Variants in CEP112 observed in about 807,000 individuals in gnomAD.
CEP112 encodes centrosomal protein of 112 kDa.
Under a neutral mutation model 153.0 loss-of-function variants are expected in CEP112, and 127 were observed. The observed-to-expected ratio is 0.83, with a 90% CI of 0.72 to 0.96. The LOEUF (loss-of-function observed/expected upper bound fraction) is 0.96, where lower values mean the gene tolerates loss of function less well. Ranked by LOEUF, CEP112 falls within the 40% of genes least tolerant of loss-of-function variation. The pLI is 0.00. For missense variants in CEP112, 1,089 were observed against 1,101.2 expected (o/e 0.99, Z 0.16); for synonymous variants, 358 against 374.4 (o/e 0.96, Z 0.51).
intron 8 of CEP112, among the ~76,000 whole-genome samples, chr17:66,082,056 T>G (rs894997630): frequency 6.6e-6 from 1 of 152,186 alleles, no homozygotes; most frequent in Non-Finnish European, 1.5e-5. Context: ...AGAGTAATTT[T>G]TTACTCCGGT....
chr17:65,882,700 C>G (rs1409331084), intron 20 of CEP112, among the ~76,000 whole-genome samples: 3 of 152,170 alleles, frequency 2.0e-5, no homozygotes, highest in Non-Finnish European at 4.4e-5. Flanking sequence ...AATGACATTA[C>G]AGTAAGTATA....
chr17:65,747,797 A>C (rs1226003368), intron 22 of CEP112, among the ~76,000 whole-genome samples: 4 of 152,176 alleles, frequency 2.6e-5, no homozygotes, highest in Non-Finnish European at 2.9e-5. Flanking sequence ...TTCAGTGTAC[A>C]CGGTCTATTA....
chr17:66,123,933 T>C (rs1040671282), intron 6 of CEP112, among the ~76,000 whole-genome samples: 1 of 152,212 alleles, frequency 6.6e-6, no homozygotes, highest in African/African-American at 2.4e-5. Context: ...TTCTGAAAAA[T>C]GGCGATGCTT....
intron 3 of CEP112, among the ~76,000 whole-genome samples, chr17:66,176,074 T>G (rs983113293): frequency 5.3e-5 from 8 of 152,200 alleles, no homozygotes; most frequent in African/African-American, 1.4e-4. Context: ...AAAACAGGAA[T>G]TATTCTCTAA....
chr17:66,107,835 C>A (rs1366411546), intron 6 of CEP112, among the ~76,000 whole-genome samples: 1 of 151,966 alleles, frequency 6.6e-6, no homozygotes, highest in Non-Finnish European at 1.5e-5. Flanking sequence ...CTGAGAATAG[C>A]CAAAGCTATC....
At chr17:66,125,462 A>T (rs229859) in intron 6 of CEP112, among the ~76,000 whole-genome samples, 64,369 of 152,012 alleles carry the variant, frequency 0.42, 14,699 homozygotes, top group Non-Finnish European at 0.5. Flanking sequence ...TGCAGTGAGC[A>T]CTATGATCAT....
chr17:65,672,573 A>G (rs1257949189), intron 24 of CEP112, among the ~76,000 whole-genome samples: 1 of 152,248 alleles, frequency 6.6e-6, no homozygotes. Context: ...AATCCTCACA[A>G]CAAATTCATA....
At chr17:65,658,405 G>A (rs2046170565) in intron 24 of CEP112, among the ~76,000 whole-genome samples, 1 of 152,174 alleles carries the variant, frequency 6.6e-6, no homozygotes, top group Non-Finnish European at 1.5e-5. Context: ...AATAGAAGCT[G>A]ATTAATTACC....
intron 25 of CEP112, among the ~76,000 whole-genome samples, chr17:65,640,154 A>ATATAT (rs1300751452): frequency 1.4e-4 from 11 of 78,336 alleles, no homozygotes; most frequent in East Asian, 1.1e-3. Flanking sequence ...ATATATATAT[A>ATATAT]TTTTTTTTTT....
At chr17:65,795,136 T>C (rs1476024801) in intron 21 of CEP112, among the ~76,000 whole-genome samples, 1 of 152,214 alleles carries the variant, frequency 6.6e-6, no homozygotes, top group African/African-American at 2.4e-5. Context: ...TGTCACTTGG[T>C]AAGCTGTCCT....
chr17:65,838,929 C>T (rs1356888141), intron 21 of CEP112, among the ~76,000 whole-genome samples: 1 of 152,100 alleles, frequency 6.6e-6, no homozygotes, highest in African/African-American at 2.4e-5. Context: ...CTTCTGGGCA[C>T]ATGCAACATA....
intron 2 of CEP112, among the ~76,000 whole-genome samples, chr17:66,179,591 G>A (rs546222286): frequency 6.6e-6 from 1 of 152,122 alleles, no homozygotes; most frequent in South Asian, 2.1e-4. Flanking sequence ...GTTTTTGGGG[G>A]AGTCTTTAGG....
intron 21 of CEP112, chr17:65,826,058 G>A: frequency 1.4e-6 from 2 of 1,393,944 alleles, no homozygotes; most frequent in Non-Finnish European, 1.0e-6. Context: ...AATTACCAAT[G>A]CCTAACTCAG....
chr17:65,860,679 T>G (rs905252158), intron 20 of CEP112, among the ~76,000 whole-genome samples: 1 of 152,166 alleles, frequency 6.6e-6, no homozygotes, highest in African/African-American at 2.4e-5. Flanking sequence ...ACACAAGAAG[T>G]TATTCATATT....
intron 21 of CEP112, among the ~76,000 whole-genome samples, chr17:65,834,202 A>C: frequency 6.6e-6 from 1 of 152,206 alleles, no homozygotes; most frequent in East Asian, 1.9e-4. Context: ...AAATCAACTC[A>C]AGAATAATTA....
At chr17:66,172,777 G>A (rs1355579833) in intron 4 of CEP112, among the ~76,000 whole-genome samples, 3 of 152,110 alleles carry the variant, frequency 2.0e-5, no homozygotes, top group Admixed American at 2.0e-4. Flanking sequence ...CCACTGCACT[G>A]AAACTATCCA....
At chr17:65,758,193 G>A (rs1362404256) in intron 21 of CEP112, among the ~76,000 whole-genome samples, 1 of 152,102 alleles carries the variant, frequency 6.6e-6, no homozygotes, top group African/African-American at 2.4e-5. Flanking sequence ...AATAGTAGTA[G>A]TCATAGTAGT....
intron 6 of CEP112, among the ~76,000 whole-genome samples, chr17:66,111,291 A>G (rs2069030923): frequency 6.6e-6 from 1 of 152,230 alleles, no homozygotes; most frequent in Non-Finnish European, 1.5e-5. Context: ...TGTGGAAAGC[A>G]GTATGGCCAT....
intron 12 of CEP112, among the ~76,000 whole-genome samples, chr17:66,035,525 G>A (rs977225101): frequency 1.3e-5 from 2 of 152,082 alleles, no homozygotes; most frequent in African/African-American, 2.4e-5. Context: ...CCATTATGGA[G>A]AACAGTATGG....
Sources: gnomAD v4.1 joint callset for allele counts (sites outside exome capture counted in the v4.1 genomes callset) on GRCh38, gnomAD v4.1.1 for gene constraint, MANE v1.5 for transcripts, NCBI Gene and HGNC (gene_info 2026-07-23, HGNC 2026-07-21) for gene names.